PLET1: variants seen among roughly 807,000 people sequenced by gnomAD.
The protein encoded by PLET1 is placenta expressed transcript 1.
Under a neutral mutation model 18.5 loss-of-function variants are expected in PLET1, and 20 were observed. That is an observed-to-expected ratio of 1.08 (90% CI 0.76 to 1.57). PLET1 has a LOEUF of 1.57. Ranked by LOEUF, PLET1 falls within the 40% of genes most tolerant of loss-of-function variation. The pLI, the probability that PLET1 is intolerant of heterozygous loss-of-function variation, is 0.00. For missense variants in PLET1, 256 were observed against 246.4 expected, an observed-to-expected ratio of 1.04 and a Z score of -0.26; for synonymous variants, 93 against 93.8, an observed-to-expected ratio of 0.99 and a Z score of 0.05.
At chr11:112,259,736 T>G (rs1165822241) in intron 1 of PLET1, among the ~76,000 whole-genome samples, 1 of 152,136 alleles carries the variant, frequency 6.6e-6, no homozygotes, top group African/African-American at 2.4e-5. Flanking sequence ...CAAATAGATA[T>G]GAAAAGATTA....
Position 112,248,750 on chromosome 11 carries a change from T to C in PLET1, c.*49A>G. On this transcript the variant is annotated 3_prime_UTR_variant, in exon 4 of 4. Coordinates refer to ENST00000338832, the MANE Select transcript of PLET1 (RefSeq NM_001145024.1). Reference sequence around the variant, plus strand: ...TTCCCAGCACTAGCTTGGAACTGAATGTAGGAGGATGCAGTGGAGGCAGAA... The same window carrying C: ...TTCCCAGCACTAGCTTGGAACTGAACGTAGGAGGATGCAGTGGAGGCAGAA... The C allele has an allele frequency of 3.3e-6, 5 of 1,527,424 alleles. No homozygotes were observed. The South Asian group carries it at 6.0e-5, about 18-fold the overall frequency. 94.6% of individuals were successfully genotyped at this position (1,527,424 alleles called of 1,614,324 possible). A position where few individuals can be genotyped will look rare whatever the true frequency, so the allele number is the denominator to read the frequency against.
chr11:112,252,397 G>A lies in PLET1; in HGVS notation c.399C>T (p.Val133=). ...ITEVEIQAFT[V]QIRALPILST... ...AAAGTATAGGCAGCGCTCTGATCTG[G>A]ACAGTGAAAGCTCTGTGGAGGGCAA... Residue 133 remains valine, a synonymous_variant, in exon 3 of 4, where the codon GTC becomes GTT. Transcript: ENST00000338832. 1 of 1,551,358 alleles carries A rather than the reference G, an allele frequency of 6.4e-7. No homozygotes were observed. Among genetic ancestry groups the A allele is most frequent in the Non-Finnish European group, 8.7e-7 (1 of 1,146,700 alleles).
At chr11:112,255,858 C>T (rs1860219912) in intron 1 of PLET1, among the ~76,000 whole-genome samples, 1 of 152,156 alleles carries the variant, frequency 6.6e-6, no homozygotes, top group African/African-American at 2.4e-5. Flanking sequence ...AAATTTTCTA[C>T]AGTAAAAGGC....
intron 2 of PLET1, among the ~76,000 whole-genome samples, chr11:112,254,638 G>GGT (rs149956623): frequency 0.68 from 90,937 of 133,444 alleles, 31,083 homozygotes; most frequent in South Asian, 0.79. Context: ...GAGTGTGTGT[G>GGT]GTGTGTGGTG....
At position 112,254,215 on chromosome 11, in the gene PLET1, GTGTGA is replaced by G. The variant is rs1566828476; in HGVS notation, c.386+1168_386+1172del. Reference sequence around the variant, plus strand: ...GGTGTGTGTGTGTGTGTGTGTGTGTGTGTGAAAAGGGGGTATGTGTGGGAATGTGG... The same window carrying G: ...GGTGTGTGTGTGTGTGTGTGTGTGTGAAAGGGGGTATGTGTGGGAATGTGG... On this transcript the variant is annotated intron_variant, in intron 2 of 3. Coordinates refer to ENST00000338832, the MANE Select transcript of PLET1 (RefSeq NM_001145024.1). Among the ~76,000 whole-genome samples the G allele has an allele frequency of 1.0e-3, 155 of 149,596 alleles. 1 individual carries two copies. The highest frequency in any genetic ancestry group is 2.7e-3 in the African/African-American group (111 of 40,662).
At chr11:112,256,938 T>C (rs1860230502) in intron 1 of PLET1, among the ~76,000 whole-genome samples, 1 of 152,222 alleles carries the variant, frequency 6.6e-6, no homozygotes, top group African/African-American at 2.4e-5. Context: ...TAGGCACCTA[T>C]ATTTTCTGGA....
At chr11:112,259,645 C>T (rs1860265271) in intron 1 of PLET1, among the ~76,000 whole-genome samples, 1 of 152,200 alleles carries the variant, frequency 6.6e-6, no homozygotes, top group Non-Finnish European at 1.5e-5. Flanking sequence ...GTTAGTAATA[C>T]TTCCCCTGTG....
Position 112,255,428 on chromosome 11 carries a change from G to A in PLET1, c.346C>T (p.Gln116Ter). ...GTTATGTTCTCAGGTTCAGGAGCTT[G>A]CCACTGTGCCTCTAAGACCGTCATG... ...QYMTVLEAQW[Q>*]APEPENITEV... is the part of the protein sequence containing the mutation. The change falls in exon 2 of 4, where the codon CAA becomes TAA. Residue 116 changes from glutamine to a stop codon, truncating the protein, a stop_gained. Transcript: ENST00000338832. LOFTEE classifies it high-confidence loss of function. The A allele has an allele frequency of 6.4e-7, 1 of 1,552,310 alleles. No homozygotes were observed.
chr11:112,251,092 G>C (rs1860150321), intron 3 of PLET1, among the ~76,000 whole-genome samples: 2 of 152,088 alleles, frequency 1.3e-5, no homozygotes, highest in African/African-American at 4.8e-5. Flanking sequence ...AATGTTTCTT[G>C]TTCTTGGTTG....
Position 112,255,433 on chromosome 11 carries a change from T to C in PLET1, c.341A>G (p.Gln114Arg), listed in dbSNP as rs777493140. 1.1e-5 allele frequency: 17 copies of C among 1,552,266 alleles called. No individual in the cohort carries two copies. In the African/African-American group the frequency reaches 2.1e-4, roughly 19 times the overall value. ...GTTCTCAGGTTCAGGAGCTTGCCAC[T>C]GTGCCTCTAAGACCGTCATGTATTG... ...KDQYMTVLEA[Q>R]WQAPEPENIT... Residue 114 changes from glutamine to arginine, a missense_variant, in exon 2 of 4, where the codon CAG (glutamine) becomes CGG (arginine). Coordinates refer to ENST00000338832, the MANE Select transcript of PLET1 (RefSeq NM_001145024.1).
At chr11:112,255,896 T>A (rs1280443186) in intron 1 of PLET1, among the ~76,000 whole-genome samples, 1 of 152,230 alleles carries the variant, frequency 6.6e-6, no homozygotes, top group East Asian at 1.9e-4. Flanking sequence ...TACTCAGCTC[T>A]GGTTTTGCTA....
At chr11:112,255,283 A>G (rs1860213892) in intron 2 of PLET1, 105 bp downstream of exon 2, 4 of 1,187,290 alleles carry the variant, frequency 3.4e-6, no homozygotes, top group African/African-American at 3.1e-5. Context: ...TGAGTTCTCC[A>G]TATCACGTCT....
intron 1 of PLET1, 138 bp downstream of exon 1, chr11:112,260,268 T>C: frequency 1.1e-6 from 1 of 898,226 alleles, no homozygotes; most frequent in South Asian, 1.9e-5. Context: ...TTCTTTGTCT[T>C]CCTTCCCTTG....
At chr11:112,249,296 T>G (rs1340482303) in intron 3 of PLET1, among the ~76,000 whole-genome samples, 1 of 152,220 alleles carries the variant, frequency 6.6e-6, no homozygotes, top group Non-Finnish European at 1.5e-5. Context: ...GGTAGTCTCC[T>G]CCTGAATGTA....
intron 2 of PLET1, among the ~76,000 whole-genome samples, chr11:112,254,304 AG>A: frequency 7.6e-6 from 1 of 131,824 alleles, no homozygotes; most frequent in East Asian, 2.4e-4. Context: ...TGTGGTGTGT[AG>A]TGTGAGTAGC....
rs375498925 is a variant in PLET1, at chr11:112,257,643, C to T, written c.185-2054G>A. ...TTTAAAAAGGCAGATCCTTGCTCAGCACAGTCTTAATGTAAATGTCACTGT... is the reference window on the plus strand; with the variant it reads ...TTTAAAAAGGCAGATCCTTGCTCAGTACAGTCTTAATGTAAATGTCACTGT... On this transcript the variant is annotated intron_variant, in intron 1 of 3. Transcript: ENST00000338832. 1.9e-4 allele frequency among the ~76,000 whole-genome samples: 29 copies of T among 152,184 alleles called. No homozygotes were observed. In the East Asian group the frequency reaches 5.2e-3, roughly 27 times the overall value.
chr11:112,250,629 G>C (rs1013672851), intron 3 of PLET1, among the ~76,000 whole-genome samples: 6 of 152,126 alleles, frequency 3.9e-5, no homozygotes, highest in African/African-American at 1.4e-4. Context: ...CCCTATACAA[G>C]AAAAACTTAA....
intron 2 of PLET1, among the ~76,000 whole-genome samples, chr11:112,254,691 GGTGT>G (rs1176499379): frequency 7.3e-6 from 1 of 137,524 alleles, no homozygotes; most frequent in African/African-American, 2.7e-5. Flanking sequence ...ATGTGTGTGT[GGTGT>G]GTGTGGTATG....
chr11:112,254,337 TGTG>T (rs1860189637), intron 2 of PLET1, among the ~76,000 whole-genome samples: 1 of 76,624 alleles, frequency 1.3e-5, no homozygotes, highest in African/African-American at 3.8e-5. Context: ...GGGGGTGGTG[TGTG>T]GTGTGTGTGT....
Sources: allele counts gnomAD v4.1 joint callset (sites outside exome capture counted in the v4.1 genomes callset), GRCh38; gene constraint gnomAD v4.1.1; transcripts MANE v1.5; gene names NCBI Gene and HGNC (gene_info 2026-07-23, HGNC 2026-07-21).